LRMDA: variants seen among roughly 807,000 people sequenced by gnomAD.
LRMDA encodes the protein leucine-rich melanocyte differentiation-associated protein.
Under a neutral mutation model 29.8 loss-of-function variants are expected in LRMDA, and 18 were observed. The ratio of observed to expected loss-of-function variants is 0.60; its 90% confidence interval spans 0.42 to 0.90. LRMDA has a LOEUF of 0.90. Ranked by LOEUF, LRMDA falls within the 40% of genes least tolerant of loss-of-function variation. The pLI is 0.00. For missense variants in LRMDA, 273 were observed against 273.9 expected (o/e 1.00, Z 0.02); for synonymous variants, 125 against 109.4 (o/e 1.14, Z -0.89).
intron 2 of LRMDA, among the ~76,000 whole-genome samples, chr10:75,613,487 T>C (rs1486671188): frequency 6.6e-6 from 1 of 152,204 alleles, no homozygotes; most frequent in African/African-American, 2.4e-5. Flanking sequence ...CCTCCTTATC[T>C]GCACATCACT....
intron 2 of LRMDA, among the ~76,000 whole-genome samples, chr10:75,626,880 C>T (rs1841256344): frequency 1.3e-5 from 2 of 152,224 alleles, no homozygotes; most frequent in Non-Finnish European, 2.9e-5. Context: ...TGGTTTTCTA[C>T]AGCCCCATCT....
At chr10:75,446,329 A>C (rs1158724981) in intron 2 of LRMDA, among the ~76,000 whole-genome samples, 1 of 152,228 alleles carries the variant, frequency 6.6e-6, no homozygotes, top group Non-Finnish European at 1.5e-5. Flanking sequence ...ATTACCTGGC[A>C]TATAATGGGT....
chr10:76,355,429 G>A (rs1841227550), intron 6 of LRMDA, among the ~76,000 whole-genome samples: 1 of 152,160 alleles, frequency 6.6e-6, no homozygotes, highest in African/African-American at 2.4e-5. Flanking sequence ...TGTTCAATAT[G>A]AGAATGGATT....
chr10:76,267,999 C>G (rs1840026362), intron 5 of LRMDA, among the ~76,000 whole-genome samples: 1 of 152,138 alleles, frequency 6.6e-6, no homozygotes, highest in South Asian at 2.1e-4. Context: ...GTTCTGTATA[C>G]CTCCTAAAAT....
chr10:75,582,958 C>T (rs566826976), intron 2 of LRMDA, among the ~76,000 whole-genome samples: 4 of 152,324 alleles, frequency 2.6e-5, no homozygotes, highest in African/African-American at 9.6e-5. Context: ...AAGCTCTTTG[C>T]TAAAGCATCA....
intron 5 of LRMDA, among the ~76,000 whole-genome samples, chr10:76,141,312 C>T (rs1850195260): frequency 6.6e-6 from 1 of 151,968 alleles, no homozygotes. Flanking sequence ...CTCCTATAAC[C>T]CTTTTTGGCA....
At chr10:76,046,359 G>T (rs1317973450) in intron 3 of LRMDA, among the ~76,000 whole-genome samples, 2 of 152,130 alleles carry the variant, frequency 1.3e-5, no homozygotes, top group Non-Finnish European at 2.9e-5. Context: ...CTGGAAGATG[G>T]CTCCTGGAAT....
intron 6 of LRMDA, among the ~76,000 whole-genome samples, chr10:76,539,861 A>G (rs994175172): frequency 6.6e-6 from 1 of 152,184 alleles, no homozygotes; most frequent in African/African-American, 2.4e-5. Flanking sequence ...AGGATGGAGC[A>G]AAGTGAAAAC....
intron 5 of LRMDA, among the ~76,000 whole-genome samples, chr10:76,070,086 G>A (rs955482899): frequency 6.6e-6 from 1 of 152,126 alleles, no homozygotes; most frequent in African/African-American, 2.4e-5. Flanking sequence ...AAGTCTGTTG[G>A]GGGATTAAAT....
intron 2 of LRMDA, among the ~76,000 whole-genome samples, chr10:75,923,483 C>G (rs1320704863): frequency 2.6e-5 from 4 of 152,222 alleles, no homozygotes; most frequent in African/African-American, 9.6e-5. Context: ...GAGAGGAAAA[C>G]CCCTAGAAAT....
intron 5 of LRMDA, among the ~76,000 whole-genome samples, chr10:76,071,959 C>T (rs1481027637): frequency 6.6e-6 from 1 of 152,220 alleles, no homozygotes; most frequent in East Asian, 1.9e-4. Flanking sequence ...ATGAATGCAG[C>T]CAGTTTCTAA....
In LRMDA at chr10:76,475,441, A is replaced by T. The variant is rs1044045201; in HGVS notation, c.602-81768A>T. On this transcript the variant is annotated intron_variant, in intron 6 of 6. Coordinates refer to ENST00000611255, the MANE Select transcript of LRMDA (RefSeq NM_001305581.2). The stretch of plus-strand genomic sequence containing the variant: ...ACAAAGAGACTTAGACTCCCACACA[A>T]TAATAATGCAAGACTTTAACACCCC... Among the ~76,000 whole-genome samples, 51 of 152,038 alleles carry T rather than the reference A, an allele frequency of 3.4e-4. 1 individual carries two copies. Among genetic ancestry groups the T allele is most frequent in the Non-Finnish European group, 4.4e-5 (3 of 67,958 alleles).
At chr10:75,774,976 C>T (rs1470316398) in intron 2 of LRMDA, among the ~76,000 whole-genome samples, 1 of 152,116 alleles carries the variant, frequency 6.6e-6, no homozygotes, top group Non-Finnish European at 1.5e-5. Flanking sequence ...GGGGAGGATC[C>T]CCTGGCCTAG....
At chr10:76,401,941 G>A (rs763876303) in intron 6 of LRMDA, among the ~76,000 whole-genome samples, 2 of 152,094 alleles carry the variant, frequency 1.3e-5, no homozygotes, top group African/African-American at 2.4e-5. Flanking sequence ...TACAGCTGTG[G>A]CAGCAGAGGT....
At chr10:76,156,161 G>A (rs1478103789) in intron 5 of LRMDA, among the ~76,000 whole-genome samples, 3 of 152,164 alleles carry the variant, frequency 2.0e-5, no homozygotes, top group Non-Finnish European at 2.9e-5. Context: ...AAGTGTCGGT[G>A]TTATTGTGCT....
intron 2 of LRMDA, among the ~76,000 whole-genome samples, chr10:75,931,404 G>A (rs1379565361): frequency 1.3e-5 from 2 of 152,102 alleles, no homozygotes; most frequent in Admixed American, 1.3e-4. Flanking sequence ...CATATTAAAG[G>A]CTCTCAGTCC....
rs935261235 is a variant in LRMDA at position 76,399,552 on chromosome 10, C to T, written c.601+75067C>T. 1.2e-4 allele frequency among the ~76,000 whole-genome samples: 19 copies of T among 152,314 alleles called. No individual in the cohort carries two copies. In the East Asian group the frequency reaches 3.3e-3, roughly 26 times the overall value. ...CAGATGTCTCTCAAATATAGATTTC[C>T]AGCCTTCATAGCATTCCTGAAATTT... On this transcript the variant is annotated intron_variant, in intron 6 of 6. Transcript: ENST00000611255.
At position 76,262,058 on chromosome 10, in the gene LRMDA, C is replaced by A. The variant is rs561212878; in HGVS notation, c.517-62343C>A. Reference sequence around the variant, plus strand: ...GGCCACCCTGGGCAACAAAACAAGACCCCATCTCTAAAAAAAAATAATAAT... The same window carrying A: ...GGCCACCCTGGGCAACAAAACAAGAACCCATCTCTAAAAAAAAATAATAAT... On this transcript the variant is annotated intron_variant, in intron 5 of 6. Coordinates refer to ENST00000611255, the MANE Select transcript of LRMDA (RefSeq NM_001305581.2). 2.8e-4 allele frequency among the ~76,000 whole-genome samples: 43 copies of A among 151,948 alleles called. No individual in the cohort carries two copies. The South Asian group carries it at 8.8e-3, about 31-fold the overall frequency.
At chr10:75,672,918 C>A (rs1841917019) in intron 2 of LRMDA, among the ~76,000 whole-genome samples, 1 of 150,976 alleles carries the variant, frequency 6.6e-6, no homozygotes, top group Non-Finnish European at 1.5e-5. Context: ...GTTCCTAGTT[C>A]CTCTCGGGCT....
Sources: allele counts gnomAD v4.1 joint callset (sites outside exome capture counted in the v4.1 genomes callset), GRCh38; gene constraint gnomAD v4.1.1; transcripts MANE v1.5; gene names NCBI Gene and HGNC (gene_info 2026-07-23, HGNC 2026-07-21).